C19orf38: variants seen among roughly 807,000 people sequenced by gnomAD.
C19orf38 encodes protein HIDE1.
A neutral mutation model predicts 26.6 loss-of-function variants in C19orf38; 14 were observed. The ratio of observed to expected loss-of-function variants is 0.53; its 90% CI spans 0.35 to 0.82. C19orf38 has a LOEUF of 0.82. Among genes scored for constraint, C19orf38 ranks in the 40% least tolerant of loss-of-function variants. The pLI is 0.01. For synonymous variants in C19orf38, 132 were observed against 128.5 expected, an observed-to-expected ratio of 1.03 and a Z score of -0.18; for missense variants, 261 against 299.5, an observed-to-expected ratio of 0.87 and a Z score of 0.95.
At chr19:10,856,589 C>T (rs563473661) in intron 3 of C19orf38, among the ~76,000 whole-genome samples, 10 of 151,558 alleles carry the variant, frequency 6.6e-5, no homozygotes, top group South Asian at 2.1e-4. Flanking sequence ...CTGCAACCTC[C>T]GCCTTCGAGG....
intron 5 of C19orf38, among the ~76,000 whole-genome samples, chr19:10,860,261 C>A (rs767701666): frequency 1.3e-5 from 2 of 151,972 alleles, no homozygotes; most frequent in African/African-American, 4.8e-5. Context: ...CGGCCAGGCG[C>A]GGTGACTCAC....
At chr19:10,838,588 T>A (rs1400339406) in intron 1 of C19orf38, among the ~76,000 whole-genome samples, 1 of 151,468 alleles carries the variant, frequency 6.6e-6, no homozygotes, top group African/African-American at 2.4e-5. Context: ...ACACCCGGGG[T>A]CGTTGTCTCA....
chr19:10,860,267 C>T (rs910931207), intron 5 of C19orf38, among the ~76,000 whole-genome samples: 5 of 152,110 alleles, frequency 3.3e-5, no homozygotes, highest in African/African-American at 1.2e-4. Context: ...GGCGCGGTGA[C>T]TCACAACTGT....
At chr19:10,867,061 G>A (rs1427652415) in intron 6 of C19orf38, among the ~76,000 whole-genome samples, 2 of 151,194 alleles carry the variant, frequency 1.3e-5, no homozygotes, top group East Asian at 2.0e-4. Flanking sequence ...AAGTGCTGGG[G>A]TTACAGGCAT....
intron 1 of C19orf38, among the ~76,000 whole-genome samples, chr19:10,836,939 C>A (rs2073436447): frequency 6.6e-6 from 1 of 152,148 alleles, no homozygotes; most frequent in Admixed American, 6.5e-5. Flanking sequence ...GTAAATAGAG[C>A]CATTACAGTA....
rs965751848 is a variant in C19orf38 at position 10,869,756 on chromosome 19, CTTAAG to C, written c.*393_*397del. The C allele has an allele frequency of 6.1e-5, 12 of 195,740 alleles. No homozygotes were observed. Among genetic ancestry groups the C allele is most frequent in the African/African-American group, 1.2e-4 (5 of 42,426 alleles). 12.1% of individuals were successfully genotyped at this position (195,740 alleles called of 1,614,324 possible). ...TGTTGTGTGTCTGCCTGCTGGCTTG[CTTAAG>C]TTATTAATTATAACACGGGTCAAGG... On this transcript the variant is annotated 3_prime_UTR_variant, in exon 7 of 7. Transcript: ENST00000397820.
At chr19:10,859,575 G>A (rs1156958890) in intron 4 of C19orf38, among the ~76,000 whole-genome samples, 1 of 150,904 alleles carries the variant, frequency 6.6e-6, no homozygotes, top group African/African-American at 2.4e-5. Flanking sequence ...GTAGAGACGG[G>A]GTTTCACTGT....
At chr19:10,862,976 G>T (rs1210796356) in intron 5 of C19orf38, among the ~76,000 whole-genome samples, 194 bp from the exon 6 acceptor site, 1 of 152,128 alleles carries the variant, frequency 6.6e-6, no homozygotes, top group Non-Finnish European at 1.5e-5. Context: ...AAGACTGTGT[G>T]TAGAAGGACT....
upstream of C19orf38, chr19:10,848,305 T>A: frequency 3.5e-6 from 2 of 573,192 alleles, no homozygotes; most frequent in Non-Finnish European, 6.4e-6. Context: ...GGGTCTGATG[T>A]GTGTTTGGGG....
At chr19:10,858,121 G>A (rs1414628574) in intron 3 of C19orf38, among the ~76,000 whole-genome samples, 195 bp from the exon 4 acceptor site, 3 of 148,600 alleles carry the variant, frequency 2.0e-5, no homozygotes, top group Non-Finnish European at 4.4e-5. Context: ...CCAGCTACTC[G>A]AGAGGCTGAG....
upstream of C19orf38, among the ~76,000 whole-genome samples, chr19:10,844,615 A>C (rs947672545): frequency 1.4e-4 from 22 of 152,140 alleles, no homozygotes; most frequent in Admixed American, 7.9e-4. Context: ...TGGGAGGCTG[A>C]GGCGGGCAGA....
intron 6 of C19orf38, among the ~76,000 whole-genome samples, chr19:10,865,022 A>T (rs1311467900): frequency 4.6e-5 from 7 of 152,220 alleles, no homozygotes; most frequent in Non-Finnish European, 8.8e-5. Context: ...TGCTTCCAGA[A>T]TAAATCCTGA....
chr19:10,838,613 A>G (rs2073455518), intron 1 of C19orf38, among the ~76,000 whole-genome samples: 1 of 152,110 alleles, frequency 6.6e-6, no homozygotes, highest in African/African-American at 2.4e-5. Flanking sequence ...CACGAAGAAC[A>G]AGGACCAGGA....
chr19:10,839,781 T>C (rs1599652977), intron 1 of C19orf38, among the ~76,000 whole-genome samples: 1 of 150,014 alleles, frequency 6.7e-6, no homozygotes, highest in Admixed American at 6.8e-5. Context: ...CAAGCTGGAG[T>C]GCAGTGGTGT....
chr19:10,862,760 C>T (rs912812320), intron 5 of C19orf38, among the ~76,000 whole-genome samples: 1 of 151,814 alleles, frequency 6.6e-6, no homozygotes, highest in Admixed American at 6.6e-5. Context: ...ACCCAGGAGG[C>T]GGAAGTTGCA....
upstream of C19orf38, among the ~76,000 whole-genome samples, chr19:10,844,763 G>A (rs996771547): frequency 3.0e-4 from 45 of 151,460 alleles, no homozygotes; most frequent in Admixed American, 2.9e-3. Context: ...CAGGAGAATG[G>A]CGTGAACCCA....
chr19:10,848,539 G>A lies in C19orf38; in HGVS notation c.31G>A (p.Gly11Ser), dbSNP rs1047851114. 1.3e-6 allele frequency: 2 copies of A among 1,551,424 alleles called. No individual in the cohort carries two copies. Among genetic ancestry groups the A allele is most frequent in the African/African-American group, 1.4e-5 (1 of 73,040 alleles). Residue 11 changes from glycine to serine, a missense_variant and splice_region_variant, in exon 1 of 7, where the codon GGC (glycine) becomes AGC (serine). Transcript: ENST00000397820. ...CTGGACCATCTTGCTCTTTGCAGCT[G>A]GTGAGTCTGAAGCCCCCCTCTCAGA... MPWTILLFAA[G>S]SLAIPAPSIR...
At chr19:10,849,716 TTAAA>T (rs1451030744) in intron 1 of C19orf38, among the ~76,000 whole-genome samples, 3 of 140,666 alleles carry the variant, frequency 2.1e-5, no homozygotes, top group Non-Finnish European at 4.5e-5. Context: ...TAATAATAAA[TTAAA>T]TAAAAAATAA....
chr19:10,855,030 CTT>C (rs33999724), intron 2 of C19orf38, among the ~76,000 whole-genome samples: 1,056 of 77,660 alleles, frequency 0.014, 2 homozygotes, highest in Middle Eastern at 0.039. Context: ...GATATATATT[CTT>C]TTTTTTTTTT....
Sources: allele counts gnomAD v4.1 joint callset (sites outside exome capture counted in the v4.1 genomes callset), GRCh38; gene constraint gnomAD v4.1.1; transcripts MANE v1.5; gene names NCBI Gene and HGNC (gene_info 2026-07-23, HGNC 2026-07-21).